The following PTPRD variants were observed in gnomAD, a reference collection of about 807,000 sequenced individuals.
PTPRD encodes the protein receptor-type tyrosine-protein phosphatase delta.
A neutral mutation model predicts 214.5 loss-of-function variants in PTPRD; 34 were observed. The observed-to-expected ratio is 0.16, with a 90% CI of 0.12 to 0.21. The LOEUF (loss-of-function observed/expected upper bound fraction) is 0.21, where lower values mean the gene tolerates loss of function less well. Among genes scored for constraint, PTPRD ranks in the 10% least tolerant of loss-of-function variants. The pLI, the probability that PTPRD is intolerant of heterozygous loss-of-function variation, is 1.00. For missense variants in PTPRD, 2,545 were observed against 2,398.7 expected, an observed-to-expected ratio of 1.06 and a Z score of -1.27; for synonymous variants, 1,128 against 845.7, an observed-to-expected ratio of 1.33 and a Z score of -5.79.
intron 8 of PTPRD, among the ~76,000 whole-genome samples, chr9:9,489,010 A>G (rs1355265915): frequency 6.6e-6 from 1 of 152,156 alleles, no homozygotes; most frequent in African/African-American, 2.4e-5. Flanking sequence ...CTATTGTTAT[A>G]AGGCCCTCAC....
chr9:9,990,599 T>C (rs1588315198), intron 4 of PTPRD, among the ~76,000 whole-genome samples: 1 of 152,212 alleles, frequency 6.6e-6, no homozygotes, highest in Admixed American at 6.5e-5. Context: ...CCCTACACAA[T>C]CAGCTGGAAA....
intron 5 of PTPRD, among the ~76,000 whole-genome samples, chr9:9,891,001 G>A (rs561886818): frequency 6.6e-6 from 1 of 152,054 alleles, no homozygotes; most frequent in East Asian, 1.9e-4. Context: ...CATGCAAAAT[G>A]GAAATGCAAG....
chr9:10,509,557 T>TTTTA (rs1555449948), intron 2 of PTPRD, among the ~76,000 whole-genome samples: 1 of 106,690 alleles, frequency 9.4e-6, no homozygotes, highest in African/African-American at 4.0e-5. Context: ...TTAATAAATA[T>TTTTA]TATATATATA....
At chr9:9,893,377 G>C (rs1388237784) in intron 5 of PTPRD, among the ~76,000 whole-genome samples, 1 of 152,004 alleles carries the variant, frequency 6.6e-6, no homozygotes, top group African/African-American at 2.4e-5. Flanking sequence ...CTGTCTTCAA[G>C]AGACTCATCT....
chr9:8,671,300 A>G (rs931286801), intron 12 of PTPRD, among the ~76,000 whole-genome samples: 1 of 152,174 alleles, frequency 6.6e-6, no homozygotes, highest in African/African-American at 2.4e-5. Flanking sequence ...AATTTAAAAT[A>G]CAACTAAAGT....
At chr9:8,448,285 G>A (rs914380124) in intron 34 of PTPRD, among the ~76,000 whole-genome samples, 1 of 152,182 alleles carries the variant, frequency 6.6e-6, no homozygotes, top group Non-Finnish European at 1.5e-5. Flanking sequence ...CCGTCATTGT[G>A]CTACTGCACT....
At chr9:8,776,055 T>C (rs1364730696) in intron 11 of PTPRD, among the ~76,000 whole-genome samples, 1 of 152,066 alleles carries the variant, frequency 6.6e-6, no homozygotes, top group Non-Finnish European at 1.5e-5. Flanking sequence ...AGTGCTTCAT[T>C]TTCTTTGATT....
intron 14 of PTPRD, among the ~76,000 whole-genome samples, chr9:8,605,842 C>G (rs992050601): frequency 3.3e-5 from 5 of 152,132 alleles, no homozygotes; most frequent in African/African-American, 9.7e-5. Flanking sequence ...AGGGATTGAT[C>G]ATCCTACCAG....
At chr9:9,966,607 T>C (rs1447735444) in intron 4 of PTPRD, among the ~76,000 whole-genome samples, 2 of 152,146 alleles carry the variant, frequency 1.3e-5, no homozygotes. Context: ...CACTTAAATA[T>C]GTTGTAGTCA....
intron 11 of PTPRD, among the ~76,000 whole-genome samples, chr9:8,763,359 C>T (rs1049737960): frequency 2.0e-5 from 3 of 151,474 alleles, no homozygotes; most frequent in Non-Finnish European, 4.4e-5. Context: ...TAAAAATATA[C>T]AAAAATTAGC....
At chr9:10,050,679 G>C (rs1176316069) in intron 3 of PTPRD, among the ~76,000 whole-genome samples, 1 of 144,722 alleles carries the variant, frequency 6.9e-6, no homozygotes, top group Non-Finnish European at 1.5e-5. Flanking sequence ...ATGTAAAATT[G>C]TATTTTCAGT....
At chr9:9,019,297 A>AAAGAAAGAAAGAAAGAAAGAAAGAAAGG (rs2099551002) in intron 10 of PTPRD, among the ~76,000 whole-genome samples, 34 of 55,142 alleles carry the variant, frequency 6.2e-4, no homozygotes, top group African/African-American at 2.2e-3. Context: ...AGAAAGAAAG[A>AAAGAAAGAAAGAAAGAAAGAAAGAAAGG]AAGAAAGAAA....
At chr9:8,774,774 T>TA (rs1009723967) in intron 11 of PTPRD, among the ~76,000 whole-genome samples, 2 of 151,636 alleles carry the variant, frequency 1.3e-5, no homozygotes, top group Non-Finnish European at 2.9e-5. Context: ...CCTCAGGTGA[T>TA]CCCCCCGCCT....
rs568035111 is a variant in PTPRD, at chr9:9,913,327, A to G, written c.-368+25180T>C. Among the ~76,000 whole-genome samples, 15 of 152,314 alleles carry G rather than the reference A, an allele frequency of 9.8e-5. No individual in the cohort carries two copies. The South Asian group carries it at 1.0e-3, about 11-fold the overall frequency. ...ATCTATTCAGCATCAGTATTTCCCA[A>G]AGTAAAAGAATAGTGATAAATACAT... is the stretch of plus-strand genomic sequence containing the variant. On this transcript the variant is annotated intron_variant, in intron 5 of 45. Transcript: ENST00000381196.
At position 10,463,622 on chromosome 9, in the gene PTPRD, T is replaced by A. The variant is rs1201229659; in HGVS notation, c.-599-122605A>T. 2.0e-5 allele frequency among the ~76,000 whole-genome samples: 3 copies of A among 152,168 alleles called. No homozygotes were observed. In the East Asian group the frequency reaches 5.8e-4, roughly 29 times the overall value. On this transcript the variant is annotated intron_variant, in intron 2 of 45. Coordinates refer to ENST00000381196, the MANE Select transcript of PTPRD (RefSeq NM_002839.4). ...CTTAAATTTCAAGGAAAAAGAGGGTTTTTTTTTCTATGTCTATAAGAGAAC... is the reference window on the plus strand; with the variant it reads ...CTTAAATTTCAAGGAAAAAGAGGGTATTTTTTTCTATGTCTATAAGAGAAC...
intron 8 of PTPRD, among the ~76,000 whole-genome samples, chr9:9,434,554 C>T (rs113422286): frequency 2.6e-5 from 4 of 152,042 alleles, no homozygotes; most frequent in African/African-American, 7.2e-5. Flanking sequence ...ACAAATAATC[C>T]CAAATAATCA....
chr9:10,104,582 T>C (rs572073062), intron 3 of PTPRD, among the ~76,000 whole-genome samples: 2 of 151,972 alleles, frequency 1.3e-5, no homozygotes, highest in East Asian at 3.9e-4. Context: ...GTGTATATTA[T>C]GTCATTACAT....
intron 8 of PTPRD, among the ~76,000 whole-genome samples, chr9:9,550,566 A>G (rs1022899739): frequency 1.3e-5 from 2 of 149,606 alleles, no homozygotes; most frequent in African/African-American, 4.9e-5. Flanking sequence ...TAATGTTAAT[A>G]TATATCCCAA....
At chr9:9,501,423 T>C (rs1426879305) in intron 8 of PTPRD, among the ~76,000 whole-genome samples, 1 of 151,864 alleles carries the variant, frequency 6.6e-6, no homozygotes, top group Non-Finnish European at 1.5e-5. Context: ...CATAAAGACA[T>C]AACAATCATA....
Sources: allele counts gnomAD v4.1 joint callset (sites outside exome capture counted in the v4.1 genomes callset), GRCh38; gene constraint gnomAD v4.1.1; transcripts MANE v1.5; gene names NCBI Gene and HGNC (gene_info 2026-07-23, HGNC 2026-07-21).